Variants in LRRC39 observed in about 807,000 individuals in gnomAD.
LRRC39 encodes leucine-rich repeat-containing protein 39.
Under a neutral mutation model 39.7 loss-of-function variants are expected in LRRC39, and 35 were observed. The observed-to-expected ratio is 0.88, with a 90% CI of 0.67 to 1.17. The LOEUF is 1.17. LRRC39 is among the 50% of genes most tolerant of loss of function. The pLI, the probability that LRRC39 is intolerant of heterozygous loss-of-function variation, is 0.00. For synonymous variants in LRRC39, 113 were observed against 134.1 expected (o/e 0.84, Z 1.09); for missense variants, 357 against 385.8 (o/e 0.93, Z 0.62).
chr1:100,162,161 A>G (rs948128158), intron 3 of LRRC39, among the ~76,000 whole-genome samples: 4 of 152,134 alleles, frequency 2.6e-5, no homozygotes, highest in Non-Finnish European at 5.9e-5. Context: ...TAGATATTTA[A>G]TAGACTTTGT....
At chr1:100,157,015 A>C (rs1010781541) in intron 6 of LRRC39, among the ~76,000 whole-genome samples, 1 of 152,138 alleles carries the variant, frequency 6.6e-6, no homozygotes, top group African/African-American at 2.4e-5. Context: ...GACTGTACAA[A>C]ATCACATAGC....
chr1:100,164,353 C>T (rs1659093003), intron 3 of LRRC39, among the ~76,000 whole-genome samples: 1 of 152,180 alleles, frequency 6.6e-6, no homozygotes, highest in South Asian at 2.1e-4. Context: ...CTTCTTTTGT[C>T]TACTTCCTTG....
intron 3 of LRRC39, among the ~76,000 whole-genome samples, chr1:100,166,717 G>A (rs1432664202): frequency 6.6e-6 from 1 of 152,176 alleles, no homozygotes; most frequent in Non-Finnish European, 1.5e-5. Context: ...GCCTGAGGAT[G>A]TGATAGAAAA....
Position 100,156,317 on chromosome 1 carries a change from G to A in LRRC39, c.514C>T (p.Leu172Phe), listed in dbSNP as rs769546608. Residue 172 changes from leucine (L) to phenylalanine (F), a missense_variant and splice_region_variant, in exon 7 of 10, where the codon CTC (leucine) becomes TTC (phenylalanine). Leu to Phe is a conservative substitution (Grantham distance 22). Transcript: ENST00000370137. ...NRDICDLPQE[L>F]SNLLKLTHLD... is the part of the protein sequence containing the mutation. The stretch of plus-strand genomic sequence containing the variant: ...TGAGTAAGTTTTAGCAGATTGCTGA[G>A]CTGAAGAAGAAAGCAAGGTTTTTCA... The A allele has an allele frequency of 2.5e-6, 4 of 1,598,794 alleles. No individual in the cohort carries two copies. The highest frequency in any genetic ancestry group is 2.6e-6 in the Non-Finnish European group (3 of 1,170,644).
At chr1:100,150,180 C>T (rs1657838389) in intron 9 of LRRC39, 1 of 152,162 alleles carries the variant, frequency 6.6e-6, no homozygotes, top group African/African-American at 2.4e-5. Flanking sequence ...CAGTTCCAAG[C>T]ACAGAGTAAT....
intron 6 of LRRC39, among the ~76,000 whole-genome samples, chr1:100,157,719 G>A (rs2101772339): frequency 6.6e-6 from 1 of 152,196 alleles, no homozygotes; most frequent in East Asian, 1.9e-4. Context: ...CAAAGCCAAA[G>A]CACCATGGAA....
At chr1:100,172,572 T>C (rs1214693109) in intron 2 of LRRC39, among the ~76,000 whole-genome samples, 2 of 143,892 alleles carry the variant, frequency 1.4e-5, no homozygotes, top group African/African-American at 5.2e-5. Context: ...CCTGTAATCC[T>C]AGCACTTTGG....
rs1257551748 is a variant in LRRC39, at chr1:100,148,513, C to CT, written c.*528dup. On this transcript the variant is annotated 3_prime_UTR_variant, in exon 10 of 10. Coordinates refer to ENST00000370137, the MANE Select transcript of LRRC39 (RefSeq NM_144620.4). ...TGTCTTGGAAGCATGGGACAAAGTA[C>CT]TTAGTACATTATGGGTTAGTTAACA... The CT allele has an allele frequency of 1.8e-5, 20 of 1,109,302 alleles. No individual in the cohort carries two copies. In the East Asian group the frequency reaches 5.1e-4, roughly 28 times the overall value. 68.7% of individuals were successfully genotyped at this position (1,109,302 alleles called of 1,614,324 possible).
chr1:100,154,513 A>G (rs1349989421), intron 8 of LRRC39, among the ~76,000 whole-genome samples: 1 of 152,240 alleles, frequency 6.6e-6, no homozygotes, highest in Non-Finnish European at 1.5e-5. Flanking sequence ...GTATGGTAAC[A>G]TACAAGTGAC....
intron 2 of LRRC39, among the ~76,000 whole-genome samples, chr1:100,172,891 T>A (rs1167646664): frequency 1.4e-5 from 2 of 146,540 alleles, no homozygotes; most frequent in African/African-American, 5.1e-5. Flanking sequence ...ACCTGGGAAG[T>A]AGAGCTTGCA....
At chr1:100,164,414 G>A (rs1187146387) in intron 3 of LRRC39, among the ~76,000 whole-genome samples, 8 of 152,162 alleles carry the variant, frequency 5.3e-5, no homozygotes, top group Admixed American at 5.2e-4. Flanking sequence ...CTGGGAGCTT[G>A]TTAGAGATCC....
At chr1:100,172,037 G>A (rs956089641) in intron 2 of LRRC39, among the ~76,000 whole-genome samples, 1 of 151,842 alleles carries the variant, frequency 6.6e-6, no homozygotes, top group African/African-American at 2.4e-5. Flanking sequence ...AGAAGAAAGG[G>A]AATATTATAG....
intron 8 of LRRC39, among the ~76,000 whole-genome samples, chr1:100,154,542 T>TA (rs998141929): frequency 4.0e-4 from 61 of 152,272 alleles, no homozygotes; most frequent in African/African-American, 1.5e-3. Context: ...CTACCCATGC[T>TA]AAAAAATTAC....
At chr1:100,167,326 T>A (rs1287368636) in intron 3 of LRRC39, among the ~76,000 whole-genome samples, 1 of 152,046 alleles carries the variant, frequency 6.6e-6, no homozygotes, top group Non-Finnish European at 1.5e-5. Context: ...TGGAAGGTGA[T>A]TAAAAAAAAA....
chr1:100,169,185 C>A (rs921746098), intron 2 of LRRC39, among the ~76,000 whole-genome samples: 1 of 151,900 alleles, frequency 6.6e-6, no homozygotes, highest in Non-Finnish European at 1.5e-5. Flanking sequence ...TTAAAATAAT[C>A]GTACTGATTT....
At chr1:100,159,212 T>A in intron 5 of LRRC39, 47 bp downstream of exon 5, 1 of 1,496,758 alleles carries the variant, frequency 6.7e-7, no homozygotes, top group East Asian at 2.4e-5. Flanking sequence ...AAAAAGCACA[T>A]CTGCAGGTGG....
chr1:100,167,929 A>G (rs1228601206), intron 3 of LRRC39, among the ~76,000 whole-genome samples: 1 of 152,014 alleles, frequency 6.6e-6, no homozygotes, highest in African/African-American at 2.4e-5. Context: ...GTGACATCCA[A>G]TCAGGAAAGT....
chr1:100,166,959 C>T (rs1191756979), intron 3 of LRRC39, among the ~76,000 whole-genome samples: 2 of 152,188 alleles, frequency 1.3e-5, no homozygotes, highest in Non-Finnish European at 2.9e-5. Context: ...TCAATTAAGC[C>T]TCTTTCCTTT....
At chr1:100,153,277 T>C (rs777567446) in intron 8 of LRRC39, among the ~76,000 whole-genome samples, 1 of 152,190 alleles carries the variant, frequency 6.6e-6, no homozygotes, top group Non-Finnish European at 1.5e-5. Context: ...GATTAAGCTT[T>C]GGAAGAAAAA....
Sources: allele counts gnomAD v4.1 joint callset (sites outside exome capture counted in the v4.1 genomes callset), GRCh38; gene constraint gnomAD v4.1.1; transcripts MANE v1.5; gene names NCBI Gene and HGNC (gene_info 2026-07-23, HGNC 2026-07-21).